Variants in SMYD3 observed in about 807,000 individuals in gnomAD.
The protein encoded by SMYD3 is histone-lysine N-methyltransferase SMYD3.
Under a neutral mutation model 57.7 loss-of-function variants are expected in SMYD3, and 36 were observed. That is an observed-to-expected ratio of 0.62 (90% CI 0.48 to 0.82). The LOEUF (loss-of-function observed/expected upper bound fraction) is 0.82, where lower values mean the gene tolerates loss of function less well. Ranked by LOEUF, SMYD3 falls within the 40% of genes least tolerant of loss-of-function variation. SMYD3 has a pLI of 0.00. For synonymous variants in SMYD3, 211 were observed against 195.0 expected (o/e 1.08, Z -0.68); for missense variants, 515 against 538.8 (o/e 0.96, Z 0.44).
At chr1:246,350,941 G>A (rs141506604) in intron 2 of SMYD3, among the ~76,000 whole-genome samples, 2 of 152,310 alleles carry the variant, frequency 1.3e-5, no homozygotes, top group Non-Finnish European at 2.9e-5. Flanking sequence ...CTTATCTACA[G>A]TACATTCCGT....
At chr1:246,147,910 G>GC (rs71563778) in intron 5 of SMYD3, among the ~76,000 whole-genome samples, 1 of 152,082 alleles carries the variant, frequency 6.6e-6, no homozygotes, top group South Asian at 2.1e-4. Flanking sequence ...GGGAAGACCC[G>GC]CCCCCCACTT....
intron 5 of SMYD3, among the ~76,000 whole-genome samples, chr1:246,194,068 C>A (rs752114700): frequency 3.0e-4 from 46 of 152,156 alleles, no homozygotes; most frequent in Admixed American, 5.9e-4. Context: ...TCTATAACTG[C>A]AGCTCTAAAG....
At chr1:246,284,316 A>G (rs974403525) in intron 5 of SMYD3, among the ~76,000 whole-genome samples, 42 of 152,178 alleles carry the variant, frequency 2.8e-4, no homozygotes, top group African/African-American at 9.9e-4. Flanking sequence ...CATCTGCAGC[A>G]CTTAAACACT....
intron 5 of SMYD3, among the ~76,000 whole-genome samples, chr1:246,277,120 A>T (rs2064349663): frequency 6.6e-6 from 1 of 152,242 alleles, no homozygotes; most frequent in Non-Finnish European, 1.5e-5. Context: ...ATGTGAGCAA[A>T]TATACATTAA....
chr1:246,478,391 C>A (rs2068055877), intron 1 of SMYD3, among the ~76,000 whole-genome samples: 1 of 151,506 alleles, frequency 6.6e-6, no homozygotes, highest in Non-Finnish European at 1.5e-5. Context: ...TACATAAGTG[C>A]TCATATATGC....
At chr1:245,999,620 A>C (rs1572867972) in intron 5 of SMYD3, among the ~76,000 whole-genome samples, 1 of 146,632 alleles carries the variant, frequency 6.8e-6, no homozygotes, top group Non-Finnish European at 1.5e-5. Context: ...AAGAAAGAAA[A>C]AGGATTTAAG....
chr1:246,156,828 T>C (rs1004444945), intron 5 of SMYD3, among the ~76,000 whole-genome samples: 1 of 152,138 alleles, frequency 6.6e-6, no homozygotes, highest in Non-Finnish European at 1.5e-5. Flanking sequence ...AGGAATTACC[T>C]ACACTAAAAA....
intron 5 of SMYD3, among the ~76,000 whole-genome samples, chr1:246,125,017 AGCCG>A (rs1240566815): frequency 6.7e-6 from 1 of 149,664 alleles, no homozygotes; most frequent in African/African-American, 2.5e-5. Flanking sequence ...GCTTGCAGTG[AGCCG>A]AGATCGCGCC....
chr1:246,239,042 G>A (rs1014434272), intron 5 of SMYD3, among the ~76,000 whole-genome samples: 10 of 152,080 alleles, frequency 6.6e-5, no homozygotes, highest in African/African-American at 2.2e-4. Context: ...AAAGCAACGG[G>A]AGGCAGCTGC....
intron 1 of SMYD3, 54 bp downstream of exon 1, chr1:246,507,000 C>CCCAGCACCCCACA: frequency 8.8e-7 from 1 of 1,139,166 alleles, no homozygotes; most frequent in Non-Finnish European, 1.2e-6. Context: ...CCCCCCCCTC[C>CCCAGCACCCCACA]CCAGCACCCC....
At chr1:246,347,904 C>A (rs1002900817) in intron 2 of SMYD3, among the ~76,000 whole-genome samples, 6 of 151,504 alleles carry the variant, frequency 4.0e-5, no homozygotes, top group Admixed American at 6.6e-5. Context: ...ACCATGTGAC[C>A]CAGCAATTCC....
At chr1:246,279,977 T>A (rs936903241) in intron 5 of SMYD3, among the ~76,000 whole-genome samples, 3 of 152,206 alleles carry the variant, frequency 2.0e-5, no homozygotes, top group Non-Finnish European at 2.9e-5. Context: ...GTAAGATTAG[T>A]ATGCAGAATT....
chr1:246,138,729 A>C (rs2061705238), intron 5 of SMYD3, among the ~76,000 whole-genome samples: 1 of 151,968 alleles, frequency 6.6e-6, no homozygotes, highest in South Asian at 2.1e-4. Flanking sequence ...CCAGCCAAAA[A>C]TTTATTTTTA....
At chr1:246,429,803 T>A (rs985888945) in intron 1 of SMYD3, among the ~76,000 whole-genome samples, 1 of 149,846 alleles carries the variant, frequency 6.7e-6, no homozygotes, top group Non-Finnish European at 1.5e-5. Context: ...TAAATAATCA[T>A]ACGAGAAACG....
intron 5 of SMYD3, among the ~76,000 whole-genome samples, chr1:246,143,558 C>T (rs2061797005): frequency 6.6e-6 from 1 of 152,054 alleles, no homozygotes. Context: ...GTCCCAGCTA[C>T]TTGGGAGGCT....
At chr1:245,849,409 T>A (rs922543657) in intron 10 of SMYD3, among the ~76,000 whole-genome samples, 2 of 152,120 alleles carry the variant, frequency 1.3e-5, no homozygotes, top group African/African-American at 4.8e-5. Context: ...GACCTCCAGT[T>A]ACCTTGAGGG....
At chr1:245,875,340 A>C (rs1002444381) in intron 8 of SMYD3, among the ~76,000 whole-genome samples, 1 of 152,234 alleles carries the variant, frequency 6.6e-6, no homozygotes, top group Non-Finnish European at 1.5e-5. Context: ...CAGGAAGGAA[A>C]GGAGGTACAG....
chr1:245,864,828 G>A (rs1432403531), intron 8 of SMYD3, among the ~76,000 whole-genome samples: 1 of 152,182 alleles, frequency 6.6e-6, no homozygotes, highest in Non-Finnish European at 1.5e-5. Context: ...ATAGTTATTT[G>A]TTAGGAGACC....
intron 5 of SMYD3, among the ~76,000 whole-genome samples, chr1:246,170,476 G>T (rs2062310711): frequency 6.8e-6 from 1 of 147,458 alleles, no homozygotes. Flanking sequence ...GGATTGCTAT[G>T]AATAATTTTT....
Sources: allele counts gnomAD v4.1 joint callset (sites outside exome capture counted in the v4.1 genomes callset), GRCh38; gene constraint gnomAD v4.1.1; transcripts MANE v1.5; gene names NCBI Gene and HGNC (gene_info 2026-07-23, HGNC 2026-07-21).